SOD2: variants seen among roughly 807,000 people sequenced by gnomAD.
SOD2 encodes superoxide dismutase [Mn], mitochondrial.
SOD2 carries 11 observed loss-of-function variants against 27.0 expected under a neutral mutation model. The ratio of observed to expected loss-of-function variants is 0.41; its 90% CI spans 0.26 to 0.67. The LOEUF (loss-of-function observed/expected upper bound fraction) is 0.67, where lower values mean the gene tolerates loss of function less well. SOD2 is among the 30% of genes least tolerant of loss of function. SOD2 has a pLI of 0.34. For synonymous variants in SOD2, 105 were observed against 103.0 expected, an observed-to-expected ratio of 1.02 and a Z score of -0.12; for missense variants, 250 against 274.5, an observed-to-expected ratio of 0.91 and a Z score of 0.63.
At position 159,674,720 on chromosome 6, in the gene SOD2, C is replaced by A. The variant is rs1779738668; in HGVS notation, c.*7773G>T. 1 of 152,202 alleles carries A rather than the reference C, an allele frequency of 6.6e-6. No individual in the cohort carries two copies. Among genetic ancestry groups the A allele is most frequent in the Admixed American group, 6.5e-5 (1 of 15,280 alleles). The allele number at this position is 152,202 out of a possible 1,614,324, so 9.4% of individuals were successfully genotyped here. ...GATGCCCTCTCTCACCACTCCTATT[C>A]AACATAGTGTTGGAAGTTCTGGCCA... On this transcript the variant is annotated 3_prime_UTR_variant, in exon 5 of 5. Transcript: ENST00000538183.
intron 1 of SOD2, among the ~76,000 whole-genome samples, chr6:159,743,229 T>TA (rs1779368560): frequency 6.6e-6 from 1 of 152,272 alleles, no homozygotes; most frequent in Non-Finnish European, 1.5e-5. Flanking sequence ...GTATTTTTAG[T>TA]AGAGACGGTG....
intron 1 of SOD2, among the ~76,000 whole-genome samples, chr6:159,739,433 T>C (rs1779109568): frequency 6.6e-6 from 1 of 152,216 alleles, no homozygotes; most frequent in African/African-American, 2.4e-5. Flanking sequence ...TTCATACTCT[T>C]CATTTTCTCA....
At chr6:159,685,678 C>A (rs1193610160) in intron 3 of SOD2, among the ~76,000 whole-genome samples, 2 of 151,208 alleles carry the variant, frequency 1.3e-5, no homozygotes, top group Non-Finnish European at 2.9e-5. Context: ...CCCCCCGTCC[C>A]CTTCTTTCTC....
At chr6:159,735,582 C>T (rs1355755667) in intron 1 of SOD2, among the ~76,000 whole-genome samples, 1 of 152,190 alleles carries the variant, frequency 6.6e-6, no homozygotes, top group Non-Finnish European at 1.5e-5. Context: ...AACCCCGTCT[C>T]TACTAAAAAT....
At chr6:159,696,796 C>T (rs980978639), upstream of SOD2, among the ~76,000 whole-genome samples, 1 of 151,986 alleles carries the variant, frequency 6.6e-6, no homozygotes, top group Non-Finnish European at 1.5e-5. Context: ...AATCCCAGCT[C>T]TTTGAGAGGC....
Position 159,692,657 on chromosome 6 carries a change from C to T in SOD2, c.226+4G>A. The T allele has an allele frequency of 6.2e-7, 1 of 1,613,836 alleles. No homozygotes were observed. Among genetic ancestry groups the T allele is most frequent in the Non-Finnish European group, 8.5e-7 (1 of 1,179,890 alleles). On this transcript the variant is annotated splice_donor_region_variant and intron_variant, in intron 2 of 4. Transcript: ENST00000538183. Reference sequence around the variant, plus strand: ...TGCCTCCCGCCGCTCAGCCTGGAACCTACCCTTGGCCAACGCCTCCTGGTA... The same window carrying T: ...TGCCTCCCGCCGCTCAGCCTGGAACTTACCCTTGGCCAACGCCTCCTGGTA...
intron 1 of SOD2, among the ~76,000 whole-genome samples, chr6:159,742,907 T>C (rs1483546951): frequency 6.7e-6 from 1 of 148,872 alleles, no homozygotes; most frequent in Non-Finnish European, 1.5e-5. Context: ...AAAAAAAGAG[T>C]CAGGAGGATC....
chr6:159,739,796 G>A (rs1562457943), intron 1 of SOD2, among the ~76,000 whole-genome samples: 1 of 138,292 alleles, frequency 7.2e-6, no homozygotes, highest in Non-Finnish European at 1.5e-5. Flanking sequence ...CCTTTGGACA[G>A]CTACTGTATT....
chr6:159,736,906 A>C (rs753145546), intron 1 of SOD2, among the ~76,000 whole-genome samples: 1 of 152,240 alleles, frequency 6.6e-6, no homozygotes, highest in Admixed American at 6.5e-5. Flanking sequence ...CAATTGGGAA[A>C]GCTTACTAAA....
At chr6:159,732,770 G>A (rs1355468849) in intron 1 of SOD2, among the ~76,000 whole-genome samples, 4 of 152,120 alleles carry the variant, frequency 2.6e-5, no homozygotes, top group African/African-American at 4.8e-5. Flanking sequence ...GTTGCAGTGA[G>A]CCGAGATCGC....
intron 1 of SOD2, among the ~76,000 whole-genome samples, chr6:159,719,678 A>G (rs1043461144): frequency 6.6e-6 from 1 of 150,738 alleles, no homozygotes. Context: ...GATGGCAAAG[A>G]AGTGGCCAAT....
chr6:159,737,226 T>G (rs1778975846), intron 1 of SOD2, among the ~76,000 whole-genome samples: 1 of 152,122 alleles, frequency 6.6e-6, no homozygotes, highest in Non-Finnish European at 1.5e-5. Flanking sequence ...TTTTTGTATT[T>G]CTTGTAGAGA....
chr6:159,742,923 A>C (rs1298485383), intron 1 of SOD2, among the ~76,000 whole-genome samples: 1 of 152,062 alleles, frequency 6.6e-6, no homozygotes, highest in Non-Finnish European at 1.5e-5. Context: ...GGATCACTAG[A>C]GCCCGGGAGG....
intron 1 of SOD2, among the ~76,000 whole-genome samples, chr6:159,724,540 G>A (rs923059778): frequency 2.0e-5 from 3 of 152,108 alleles, no homozygotes; most frequent in African/African-American, 7.2e-5. Flanking sequence ...CCTATATGTG[G>A]ATTTTTTTCA....
At chr6:159,708,143 C>G (rs1315374709) in intron 1 of SOD2, among the ~76,000 whole-genome samples, 1 of 152,188 alleles carries the variant, frequency 6.6e-6, no homozygotes, top group Non-Finnish European at 1.5e-5. Context: ...CTATTTATGA[C>G]AAACCCACAC....
At chr6:159,738,624 A>G (rs1779059791) in intron 1 of SOD2, among the ~76,000 whole-genome samples, 1 of 152,216 alleles carries the variant, frequency 6.6e-6, no homozygotes, top group Admixed American at 6.5e-5. Context: ...GTATTAATAA[A>G]AGGAACTGCC....
At chr6:159,714,133 C>G (rs1777881990) in intron 1 of SOD2, 1 of 509,700 alleles carries the variant, frequency 2.0e-6, no homozygotes, top group East Asian at 3.2e-5. Context: ...ATCACATGAG[C>G]ACACCGGCTT....
intron 4 of SOD2, 32 bp from the exon 5 acceptor site, chr6:159,682,670 A>G (rs1767629938): frequency 1.3e-6 from 2 of 1,592,592 alleles, no homozygotes; most frequent in East Asian, 4.5e-5. Context: ...CAAACCAACC[A>G]TCAGTTTCAG....
chr6:159,688,408 C>T, intron 2 of SOD2, 166 bp from the exon 3 acceptor site: 1 of 565,282 alleles, frequency 1.8e-6, no homozygotes, highest in Non-Finnish European at 3.2e-6. Context: ...TTATTTGTCC[C>T]AGACATGCTG....
Sources: allele counts gnomAD v4.1 joint callset (sites outside exome capture counted in the v4.1 genomes callset), GRCh38; gene constraint gnomAD v4.1.1; transcripts MANE v1.5; gene names NCBI Gene and HGNC (gene_info 2026-07-23, HGNC 2026-07-21).